Variants in SCN2A observed in about 807,000 individuals in gnomAD.
SCN2A encodes the protein sodium voltage-gated channel alpha subunit 2.
A neutral mutation model predicts 188.7 loss-of-function variants in SCN2A; 20 were observed. That is an observed-to-expected ratio of 0.11 (90% CI 0.07 to 0.15). SCN2A has a LOEUF of 0.15. SCN2A is among the 10% of genes least tolerant of loss of function. The pLI is 1.00. For synonymous variants in SCN2A, 804 were observed against 833.1 expected (o/e 0.97, Z 0.60); for missense variants, 1,278 against 2,445.0 (o/e 0.52, Z 10.07).
In SCN2A at chr2:165,391,422, T is replaced by G. The variant is rs992132752; in HGVS notation, c.*1598T>G. 2 of 152,646 alleles carry G rather than the reference T, an allele frequency of 1.3e-5. No homozygotes were observed. Among genetic ancestry groups the G allele is most frequent in the South Asian group, 4.1e-4 (2 of 4,828 alleles). 9.5% of individuals were successfully genotyped at this position (152,646 alleles called of 1,614,324 possible). On this transcript the variant is annotated 3_prime_UTR_variant, in exon 27 of 27. Transcript: ENST00000375437. ...ATTTTTCAGCCTTTTGTACGTAAAA[T>G]GAGAAATTAAAAGTATCTTCAGGTG...
intron 1 of SCN2A, among the ~76,000 whole-genome samples, chr2:165,246,545 T>C (rs72872415): frequency 0.19 from 29,318 of 152,090 alleles, 3,385 homozygotes; most frequent in Non-Finnish European, 0.25. Context: ...GATCTCGTCA[T>C]ACTTTGATTA....
At chr2:165,318,447 G>T (rs1229105034) in intron 11 of SCN2A, among the ~76,000 whole-genome samples, 1 of 152,198 alleles carries the variant, frequency 6.6e-6, no homozygotes, top group African/African-American at 2.4e-5. Flanking sequence ...TTAAAGATTG[G>T]TTTGGTATGG....
At chr2:165,281,361 A>G (rs1419374398) in intron 1 of SCN2A, among the ~76,000 whole-genome samples, 1 of 152,016 alleles carries the variant, frequency 6.6e-6, no homozygotes, top group Non-Finnish European at 1.5e-5. Context: ...TGGGGAAGGC[A>G]TCACTGGGAA....
intron 1 of SCN2A, among the ~76,000 whole-genome samples, chr2:165,295,422 A>G (rs980705452): frequency 6.6e-6 from 1 of 152,254 alleles, no homozygotes. Flanking sequence ...GAATGCTGAA[A>G]AAGATGGCTG....
At chr2:165,355,679 G>A (rs1700143286) in intron 17 of SCN2A, among the ~76,000 whole-genome samples, 1 of 151,938 alleles carries the variant, frequency 6.6e-6, no homozygotes, top group Non-Finnish European at 1.5e-5. Flanking sequence ...GGCACTGAAA[G>A]GTAAAATTTA....
chr2:165,347,067 T>C (rs1465583967), intron 16 of SCN2A, among the ~76,000 whole-genome samples: 1 of 152,150 alleles, frequency 6.6e-6, no homozygotes, highest in African/African-American at 2.4e-5. Context: ...AGAAATACCA[T>C]TTGACCCAGG....
chr2:165,246,910 C>T (rs1559313399), intron 1 of SCN2A, among the ~76,000 whole-genome samples: 1 of 152,144 alleles, frequency 6.6e-6, no homozygotes, highest in Admixed American at 6.6e-5. Flanking sequence ...CTCCTCAAAC[C>T]ACCAATACCT....
chr2:165,368,404 A>G (rs535277097), intron 19 of SCN2A, among the ~76,000 whole-genome samples: 1 of 152,154 alleles, frequency 6.6e-6, no homozygotes, highest in Non-Finnish European at 1.5e-5. Flanking sequence ...ACAGGGATGT[A>G]TATTCTCACT....
At chr2:165,294,723 C>T (rs1696408789) in intron 1 of SCN2A, among the ~76,000 whole-genome samples, 1 of 152,022 alleles carries the variant, frequency 6.6e-6, no homozygotes, top group African/African-American at 2.4e-5. Flanking sequence ...AAACTCCTGC[C>T]ACTGGTTCAG....
At chr2:165,361,761 G>T (rs926662598) in intron 17 of SCN2A, among the ~76,000 whole-genome samples, 1 of 151,978 alleles carries the variant, frequency 6.6e-6, no homozygotes, top group African/African-American at 2.4e-5. Context: ...CTTGTATACA[G>T]AGTGAAAAGA....
intron 16 of SCN2A, among the ~76,000 whole-genome samples, chr2:165,352,523 T>C (rs1699977526): frequency 6.6e-6 from 1 of 152,178 alleles, no homozygotes; most frequent in African/African-American, 2.4e-5. Flanking sequence ...TTTCCTAAGA[T>C]TCTACTTTTG....
chr2:165,245,949 G>C (rs376488721), intron 1 of SCN2A, among the ~76,000 whole-genome samples: 1 of 152,058 alleles, frequency 6.6e-6, no homozygotes, highest in South Asian at 2.1e-4. Context: ...TCCATCAACC[G>C]AAATCTCTAA....
intron 25 of SCN2A, 125 bp downstream of exon 25, chr2:165,381,322 A>G (rs1452654649): frequency 1.5e-6 from 1 of 659,778 alleles, no homozygotes; most frequent in Non-Finnish European, 2.7e-6. Flanking sequence ...TAACAATGGG[A>G]CTAGCTAGCC....
chr2:165,329,792 T>G (rs574429920), intron 13 of SCN2A, among the ~76,000 whole-genome samples: 3 of 152,260 alleles, frequency 2.0e-5, no homozygotes, highest in African/African-American at 7.2e-5. Flanking sequence ...ATTTGGGAGT[T>G]TAGAAGTATT....
In SCN2A at chr2:165,366,097, T is replaced by A. The variant is rs988330143; in HGVS notation, c.3520+834T>A. ...ATTTTCTACATATGTCTCTTATATA[T>A]CCTTCAAGATCTAGTCTCAAATCCA... On this transcript the variant is annotated intron_variant, in intron 18 of 26. Coordinates refer to ENST00000375437, the MANE Select transcript of SCN2A (RefSeq NM_001040142.2). Among the ~76,000 whole-genome samples, 10 of 152,184 alleles carry A rather than the reference T, an allele frequency of 6.6e-5. No homozygotes were observed. The South Asian group carries it at 1.9e-3, about 28-fold the overall frequency.
chr2:165,365,352 C>G, intron 18 of SCN2A, 89 bp downstream of exon 18: 2 of 1,439,788 alleles, frequency 1.4e-6, no homozygotes, highest in Non-Finnish European at 1.9e-6. Context: ...TATTTGTCTA[C>G]CATCTATTAT....
chr2:165,268,371 G>A (rs1470591496), intron 1 of SCN2A: 1 of 151,868 alleles, frequency 6.6e-6, no homozygotes, highest in Non-Finnish European at 1.5e-5. Context: ...GGGATGCAGG[G>A]ATGGTTTAAC....
intron 22 of SCN2A, among the ~76,000 whole-genome samples, chr2:165,375,235 T>C (rs757793688): frequency 6.6e-6 from 1 of 151,870 alleles, no homozygotes; most frequent in Non-Finnish European, 1.5e-5. Flanking sequence ...CATTACTGGG[T>C]ATATATACAA....
chr2:165,331,903 T>A (rs1159975806), intron 14 of SCN2A, among the ~76,000 whole-genome samples: 10 of 152,146 alleles, frequency 6.6e-5, no homozygotes, highest in Non-Finnish European at 5.9e-5. Flanking sequence ...CTGTGTTTAC[T>A]AAACAAATGA....
Sources: gnomAD v4.1 joint callset for allele counts (sites outside exome capture counted in the v4.1 genomes callset) on GRCh38, gnomAD v4.1.1 for gene constraint, MANE v1.5 for transcripts, NCBI Gene and HGNC (gene_info 2026-07-23, HGNC 2026-07-21) for gene names.